KIAA0825: variants seen among roughly 807,000 people sequenced by gnomAD.
KIAA0825 encodes the protein uncharacterized protein KIAA0825.
In KIAA0825, 119 loss-of-function variants were observed where a neutral mutation model predicts 147.6. The ratio of observed to expected loss-of-function variants is 0.81; its 90% confidence interval spans 0.69 to 0.94. The LOEUF (loss-of-function observed/expected upper bound fraction) is 0.94, where lower values mean the gene tolerates loss of function less well. Among genes scored for constraint, KIAA0825 ranks in the 40% least tolerant of loss-of-function variants. The pLI, the probability that KIAA0825 is intolerant of heterozygous loss-of-function variation, is 0.00. For synonymous variants in KIAA0825, 470 were observed against 518.1 expected (o/e 0.91, Z 1.26); for missense variants, 1,381 against 1,472.7 (o/e 0.94, Z 1.02).
intron 20 of KIAA0825, among the ~76,000 whole-genome samples, chr5:94,237,736 CACA>C (rs1775133136): frequency 6.6e-6 from 1 of 152,140 alleles, no homozygotes; most frequent in African/African-American, 2.4e-5. Flanking sequence ...GTAATAGGTA[CACA>C]ACAAGTAGTA....
At chr5:94,334,584 G>A (rs1445236039) in intron 20 of KIAA0825, among the ~76,000 whole-genome samples, 1 of 152,192 alleles carries the variant, frequency 6.6e-6, no homozygotes, top group Non-Finnish European at 1.5e-5. Context: ...CCAGGTTCAA[G>A]TGATTCTCCT....
At chr5:94,587,885 C>T (rs1783611648) in intron 1 of KIAA0825, among the ~76,000 whole-genome samples, 1 of 152,118 alleles carries the variant, frequency 6.6e-6, no homozygotes, top group South Asian at 2.1e-4. Flanking sequence ...TCAGAAATAA[C>T]ACCACACATC....
intron 20 of KIAA0825, among the ~76,000 whole-genome samples, chr5:94,367,258 A>C (rs1319556051): frequency 1.3e-5 from 2 of 152,134 alleles, no homozygotes; most frequent in East Asian, 3.9e-4. Context: ...GCACTTTGGG[A>C]GGCTGAGGCG....
At chr5:94,541,711 T>C (rs1189309930) in intron 2 of KIAA0825, among the ~76,000 whole-genome samples, 1 of 152,258 alleles carries the variant, frequency 6.6e-6, no homozygotes, top group African/African-American at 2.4e-5. Flanking sequence ...AAATCTTACC[T>C]TATGGTCAAA....
At chr5:94,330,029 TA>T in intron 20 of KIAA0825, among the ~76,000 whole-genome samples, 1 of 151,950 alleles carries the variant, frequency 6.6e-6, no homozygotes, top group South Asian at 2.1e-4. Flanking sequence ...GTAGGGTGAC[TA>T]TACTCAACAA....
At chr5:94,472,026 T>C (rs1202874428) in intron 8 of KIAA0825, among the ~76,000 whole-genome samples, 1 of 152,162 alleles carries the variant, frequency 6.6e-6, no homozygotes, top group Non-Finnish European at 1.5e-5. Context: ...CTGTAGTTAG[T>C]AGGACTCAGA....
At chr5:94,402,250 C>T (rs559321368) in intron 16 of KIAA0825, among the ~76,000 whole-genome samples, 20 of 152,144 alleles carry the variant, frequency 1.3e-4, no homozygotes, top group Admixed American at 7.9e-4. Context: ...TTCCAAAGTG[C>T]TTAGAAAAAG....
At chr5:94,564,430 G>A (rs1282238721) in intron 2 of KIAA0825, among the ~76,000 whole-genome samples, 1 of 122,268 alleles carries the variant, frequency 8.2e-6, no homozygotes, top group Middle Eastern at 4.8e-3. Context: ...ATCGACTACC[G>A]GCATGAGCCA....
At chr5:94,537,203 C>T in intron 2 of KIAA0825, 76 bp from the exon 3 acceptor site, 1 of 1,195,566 alleles carries the variant, frequency 8.4e-7, no homozygotes, top group Non-Finnish European at 1.2e-6. Flanking sequence ...CAGAAATTCA[C>T]CTCAAGTTGT....
At chr5:94,384,015 T>G (rs942066202) in intron 20 of KIAA0825, among the ~76,000 whole-genome samples, 1 of 152,152 alleles carries the variant, frequency 6.6e-6, no homozygotes, top group South Asian at 2.1e-4. Flanking sequence ...ATAATAACGT[T>G]CAAGTCAATA....
At chr5:94,222,325 A>G (rs1773735014) in intron 20 of KIAA0825, among the ~76,000 whole-genome samples, 1 of 152,188 alleles carries the variant, frequency 6.6e-6, no homozygotes, top group Non-Finnish European at 1.5e-5. Flanking sequence ...GTTTCATTCA[A>G]TATTTCAGGT....
intron 16 of KIAA0825, among the ~76,000 whole-genome samples, chr5:94,398,729 CA>C (rs1750994704): frequency 6.6e-6 from 1 of 152,100 alleles, no homozygotes; most frequent in Admixed American, 6.6e-5. Context: ...CCCACAAAGC[CA>C]GACAGTGTTT....
At chr5:94,373,394 T>C (rs148366899) in intron 20 of KIAA0825, among the ~76,000 whole-genome samples, 245 of 152,326 alleles carry the variant, frequency 1.6e-3, no homozygotes, top group African/African-American at 5.5e-3. Flanking sequence ...AGAAGTTTTT[T>C]ATAAAGGAGA....
At chr5:94,426,599 C>G (rs1021675876) in intron 14 of KIAA0825, among the ~76,000 whole-genome samples, 1 of 152,100 alleles carries the variant, frequency 6.6e-6, no homozygotes, top group Non-Finnish European at 1.5e-5. Context: ...TTACTGGCTA[C>G]AAACATACAG....
intron 20 of KIAA0825, among the ~76,000 whole-genome samples, chr5:94,278,623 G>A (rs1363981175): frequency 1.3e-5 from 2 of 152,072 alleles, no homozygotes; most frequent in Non-Finnish European, 2.9e-5. Flanking sequence ...CTCCATCAGT[G>A]TTTCTTGTAG....
intron 20 of KIAA0825, among the ~76,000 whole-genome samples, chr5:94,299,880 G>A (rs2150178319): frequency 6.6e-6 from 1 of 151,828 alleles, no homozygotes; most frequent in Non-Finnish European, 1.5e-5. Context: ...TCCTCCTCTG[G>A]AAAATGAGGG....
chr5:94,265,763 T>G (rs1776715678), intron 20 of KIAA0825, among the ~76,000 whole-genome samples: 1 of 152,162 alleles, frequency 6.6e-6, no homozygotes, highest in Non-Finnish European at 1.5e-5. Flanking sequence ...ATTGCGCCAT[T>G]GCATTCCAGC....
chr5:94,485,955 C>A (rs1486180387), intron 5 of KIAA0825, among the ~76,000 whole-genome samples: 1 of 150,942 alleles, frequency 6.6e-6, no homozygotes, highest in Non-Finnish European at 1.5e-5. Context: ...GTTTTTTTGC[C>A]CTCTTATGAT....
intron 14 of KIAA0825, among the ~76,000 whole-genome samples, chr5:94,429,249 G>A (rs371648660): frequency 2.6e-5 from 4 of 152,164 alleles, no homozygotes; most frequent in East Asian, 3.8e-4. Flanking sequence ...CTTTGGTGGT[G>A]TCACTATATT....
Sources: allele counts gnomAD v4.1 joint callset (sites outside exome capture counted in the v4.1 genomes callset), GRCh38; gene constraint gnomAD v4.1.1; transcripts MANE v1.5; gene names NCBI Gene and HGNC (gene_info 2026-07-23, HGNC 2026-07-21).